The following GBP1 variants were observed in gnomAD, a reference collection of about 807,000 sequenced individuals.
GBP1 encodes the protein guanylate binding protein 1.
A neutral mutation model predicts 69.5 loss-of-function variants in GBP1; 64 were observed. The ratio of observed to expected loss-of-function variants is 0.92; its 90% confidence interval spans 0.75 to 1.13. The LOEUF is 1.13. Ranked by LOEUF, GBP1 falls within the 50% of genes most tolerant of loss-of-function variation. The pLI is 0.00. For synonymous variants in GBP1, 250 were observed against 261.2 expected, an observed-to-expected ratio of 0.96 and a Z score of 0.41; for missense variants, 630 against 704.1, an observed-to-expected ratio of 0.89 and a Z score of 1.19.
rs1390233972 is a variant in GBP1, at chr1:89,058,821, C to T, written c.631+20G>A. The T allele has an allele frequency of 5.0e-6, 8 of 1,609,614 alleles. No individual in the cohort carries two copies. Among genetic ancestry groups the T allele is most frequent in the Non-Finnish European group, 6.8e-6 (8 of 1,176,152 alleles). On this transcript the variant is annotated intron_variant, in intron 5 of 10. Coordinates refer to ENST00000370473, the MANE Select transcript of GBP1 (RefSeq NM_002053.3). ...CTTGTGTTTTCTCATCCTCATTTAT[C>T]AGTTGAAGCTCTCTGTTACCTTTCT...
Position 89,058,247 on chromosome 1 carries a change from T to C in GBP1, c.632-13A>G. 6.4e-7 allele frequency: 1 copy of C among 1,560,652 alleles called. No homozygotes were observed. Among genetic ancestry groups the C allele is most frequent in the Non-Finnish European group, 8.6e-7 (1 of 1,156,434 alleles). Reference sequence around the variant, plus strand: ...TTTTGACTGGTACCTAGAAAAACATTTAAAAAATTATAAAATTGCCTAATA... The same window carrying C: ...TTTTGACTGGTACCTAGAAAAACATCTAAAAAATTATAAAATTGCCTAATA... On this transcript the variant is annotated splice_polypyrimidine_tract_variant and intron_variant, in intron 5 of 10. Transcript: ENST00000370473.
chr1:89,055,734 G>C lies in GBP1; in HGVS notation c.1368+282C>G, dbSNP rs1680026526. The C allele has an allele frequency of 7.9e-6, 4 of 504,130 alleles. No individual in the cohort carries two copies. In the South Asian group the frequency reaches 8.8e-5, roughly 11 times the overall value. The allele number at this position is 504,130 out of a possible 1,614,324, so 31.2% of individuals were successfully genotyped here. On this transcript the variant is annotated intron_variant, in intron 8 of 10. Coordinates refer to ENST00000370473, the MANE Select transcript of GBP1 (RefSeq NM_002053.3). ...TTTAAGCAGCCATCATTGGGTTCCT[G>C]TCTCTTGCAACAGGAAAAGCCCAGC...
Position 89,059,411 on chromosome 1 carries a change from C to G in GBP1, c.334G>C (p.Asp112His). ...GDVEKGDNQN[D>H]SWIFALAVLL... Reference sequence around the variant, plus strand: ...ACGGCCAGGGCGAAGATCCAGGAGTCATTCTGGTTGTCACCCTGGAAGTCA... The same window carrying G: ...ACGGCCAGGGCGAAGATCCAGGAGTGATTCTGGTTGTCACCCTGGAAGTCA... Residue 112 changes from aspartate to histidine, a missense_variant, in exon 4 of 11, where the codon GAC becomes CAC. Transcript: ENST00000370473. 6.2e-7 allele frequency: 1 copy of G among 1,613,972 alleles called. No homozygotes were observed. Among genetic ancestry groups the G allele is most frequent in the Non-Finnish European group, 8.5e-7 (1 of 1,179,932 alleles).
chr1:89,064,949 T>C (rs1276993040), intron 1 of GBP1, among the ~76,000 whole-genome samples: 1 of 152,250 alleles, frequency 6.6e-6, no homozygotes, highest in African/African-American at 2.4e-5. Context: ...GGCCATGCTG[T>C]CCCTGATAAC....
chr1:89,062,853 G>T (rs1449319934), intron 2 of GBP1, 192 bp downstream of exon 2: 4 of 641,692 alleles, frequency 6.2e-6, no homozygotes, highest in African/African-American at 5.5e-5. Context: ...TGGAAACTAA[G>T]GTATCATGGG....
intron 10 of GBP1, 42 bp from the exon 11 acceptor site, chr1:89,053,510 G>A (rs1182752263): frequency 3.8e-6 from 6 of 1,585,072 alleles, no homozygotes; most frequent in Non-Finnish European, 5.1e-6. Flanking sequence ...TGTAGCATCA[G>A]GCAAATTGAA....
intron 8 of GBP1, 187 bp from the exon 9 acceptor site, chr1:89,055,402 G>A (rs1680019400): frequency 5.5e-6 from 5 of 901,488 alleles, no homozygotes; most frequent in Non-Finnish European, 8.2e-6. Flanking sequence ...ATCCTACTTA[G>A]CAGTCATTTT....
chr1:89,061,019 C>G (rs1490399002), intron 2 of GBP1, among the ~76,000 whole-genome samples: 1 of 152,144 alleles, frequency 6.6e-6, no homozygotes, highest in Admixed American at 6.5e-5. Context: ...ACTTCAAACA[C>G]CCTTTAAAGA....
chr1:89,056,397 G>T (rs186858542), intron 7 of GBP1, among the ~76,000 whole-genome samples, 169 bp from the exon 8 acceptor site: 9 of 152,102 alleles, frequency 5.9e-5, no homozygotes, highest in Non-Finnish European at 1.3e-4. Flanking sequence ...TGCTGAAGTC[G>T]CTTTCTTTTT....
intron 5 of GBP1, chr1:89,058,603 T>G: frequency 3.4e-6 from 2 of 585,042 alleles, no homozygotes; most frequent in Admixed American, 3.1e-5. Flanking sequence ...GGAGATAAAA[T>G]TAACCTAATC....
chr1:89,057,945 T>A, intron 6 of GBP1, 47 bp downstream of exon 6: 1 of 1,540,086 alleles, frequency 6.5e-7, no homozygotes, highest in South Asian at 1.2e-5. Context: ...TATTCTATGC[T>A]CCTCTAGTCT....
At chr1:89,063,583 T>C (rs377260812) in intron 1 of GBP1, among the ~76,000 whole-genome samples, 141 of 152,342 alleles carry the variant, frequency 9.3e-4, no homozygotes, top group African/African-American at 3.3e-3. Context: ...GAGGATTTAT[T>C]TGCATCCTGG....
chr1:89,053,847 T>A (rs1005704705), intron 10 of GBP1, among the ~76,000 whole-genome samples: 2 of 152,188 alleles, frequency 1.3e-5, no homozygotes, highest in African/African-American at 4.8e-5. Flanking sequence ...AGCAGGACAT[T>A]AAAAATAATC....
chr1:89,054,980 C>A lies in GBP1; in HGVS notation c.1472-105G>T. On this transcript the variant is annotated intron_variant, in intron 9 of 10. Transcript: ENST00000370473. The stretch of plus-strand genomic sequence containing the variant: ...TGTTGCTGACTGCATATGCCCTACT[C>A]AGAGATGACCTCGGCAAGTAAGACA... 2.8e-6 allele frequency: 4 copies of A among 1,427,312 alleles called. No homozygotes were observed. The South Asian group carries it at 5.1e-5, about 18-fold the overall frequency. 88.4% of individuals were successfully genotyped at this position (1,427,312 alleles called of 1,614,324 possible).
At chr1:89,053,599 TGGCC>T in intron 10 of GBP1, 131 bp from the exon 11 acceptor site, 1 of 1,407,562 alleles carries the variant, frequency 7.1e-7, no homozygotes. Flanking sequence ...TGTCATACTT[TGGCC>T]TATCATTGAC....
chr1:89,061,308 T>A (rs987277097), intron 2 of GBP1, among the ~76,000 whole-genome samples: 1 of 152,148 alleles, frequency 6.6e-6, no homozygotes. Context: ...GGTACTGGTA[T>A]AAAGACTGAC....
rs1190631377 is a variant in GBP1 at position 89,053,256 on chromosome 1, T to C, written c.*99A>G. 4.8e-6 allele frequency: 4 copies of C among 830,156 alleles called. No individual in the cohort carries two copies. Among genetic ancestry groups the C allele is most frequent in the South Asian group, 1.9e-5 (1 of 52,080 alleles). 51.4% of individuals were successfully genotyped at this position (830,156 alleles called of 1,614,324 possible). A position where few individuals can be genotyped will look rare whatever the true frequency, so the allele number is the denominator to read the frequency against. On this transcript the variant is annotated 3_prime_UTR_variant, in exon 11 of 11. Transcript: ENST00000370473. Reference sequence around the variant, plus strand: ...CCTTTATAAACTTTTGGTGTTATGATGCAAGATCTAATTATTATCAAATGT... The same window carrying C: ...CCTTTATAAACTTTTGGTGTTATGACGCAAGATCTAATTATTATCAAATGT...
chr1:89,059,114 CA>C (rs1680117564), intron 4 of GBP1, 71 bp from the exon 5 acceptor site: 2 of 1,602,238 alleles, frequency 1.2e-6, no homozygotes, highest in Admixed American at 3.4e-5. Flanking sequence ...AACACATACC[CA>C]AACCTTCCAT....
rs1680073059 is a variant in GBP1 at position 89,057,270 on chromosome 1, A to G, written c.875-136T>C. 33 of 1,253,148 alleles carry G rather than the reference A, an allele frequency of 2.6e-5. 1 individual carries two copies. The South Asian group carries it at 3.4e-4, about 13-fold the overall frequency. The allele number at this position is 1,253,148 out of a possible 1,614,324, so 77.6% of individuals were successfully genotyped here. On this transcript the variant is annotated intron_variant, in intron 6 of 10. Transcript: ENST00000370473. ...CAGCATCACTTGGAAGCTTGCTGGA[A>G]ATAGACTCTCAGACCCTGTCCGAGA...
Sources: allele counts gnomAD v4.1 joint callset (sites outside exome capture counted in the v4.1 genomes callset), GRCh38; gene constraint gnomAD v4.1.1; transcripts MANE v1.5; gene names NCBI Gene and HGNC (gene_info 2026-07-23, HGNC 2026-07-21).